The following SORCS2 variants were observed in gnomAD, a reference collection of about 807,000 sequenced individuals.
SORCS2 encodes the protein sortilin related VPS10 domain containing receptor 2, also known as VPS10 domain-containing receptor SorCS2.
Under a neutral mutation model 141.6 loss-of-function variants are expected in SORCS2, and 100 were observed. That is an observed-to-expected ratio of 0.71 (90% CI 0.60 to 0.83). SORCS2 has a LOEUF of 0.83. Ranked by LOEUF, SORCS2 falls within the 40% of genes least tolerant of loss-of-function variation. The pLI, the probability that SORCS2 is intolerant of heterozygous loss-of-function variation, is 0.00. For missense variants in SORCS2, 1,646 were observed against 1,560.2 expected (o/e 1.05, Z -0.93); for synonymous variants, 789 against 676.9 (o/e 1.17, Z -2.57).
At chr4:7,509,482 C>T (rs553389220) in intron 2 of SORCS2, among the ~76,000 whole-genome samples, 6 of 152,262 alleles carry the variant, frequency 3.9e-5, no homozygotes, top group Admixed American at 1.3e-4. Context: ...AGCCAGGACG[C>T]ATGTGTTGCC....
chr4:7,286,257 G>A lies in SORCS2; in HGVS notation c.480+93131G>A, dbSNP rs1414811193. Among the ~76,000 whole-genome samples the A allele has an allele frequency of 2.0e-5, 3 of 152,188 alleles. No homozygotes were observed. The highest frequency in any genetic ancestry group is 6.5e-5 in the Admixed American group (1 of 15,280). Reference sequence around the variant, plus strand: ...GTGGGCACAGCCTCATGGTGTCTCCGTAGAAAGAAGATAGAGGATGTGGGA... The same window carrying A: ...GTGGGCACAGCCTCATGGTGTCTCCATAGAAAGAAGATAGAGGATGTGGGA... On this transcript the variant is annotated intron_variant, in intron 1 of 26. Transcript: ENST00000507866. The surrounding 1 kb of genome is among the most constrained non-coding windows in gnomAD (Gnocchi z 4.1).
chr4:7,369,080 G>A (rs181203852), intron 1 of SORCS2, among the ~76,000 whole-genome samples: 84 of 152,286 alleles, frequency 5.5e-4, no homozygotes, highest in African/African-American at 1.0e-3. Flanking sequence ...GTCAAGGCGG[G>A]TGGATCACTT....
At chr4:7,650,756 CCCAGCCCA>C (rs1721393162) in intron 4 of SORCS2, among the ~76,000 whole-genome samples, 1 of 146,296 alleles carries the variant, frequency 6.8e-6, no homozygotes, top group African/African-American at 2.6e-5. Flanking sequence ...CCCAGCCCAG[CCCAGCCCA>C]GCCCAGCCCA....
intron 2 of SORCS2, among the ~76,000 whole-genome samples, chr4:7,444,763 A>G (rs2109269236): frequency 6.6e-6 from 1 of 152,326 alleles, no homozygotes; most frequent in Middle Eastern, 3.4e-3. Context: ...GGTGGTCTAG[A>G]GGAGAAGCCA....
intron 3 of SORCS2, among the ~76,000 whole-genome samples, chr4:7,591,698 A>G (rs188968194): frequency 2.5e-3 from 377 of 152,232 alleles, no homozygotes; most frequent in Admixed American, 6.3e-3. Flanking sequence ...GAAAACCCCA[A>G]TCCTTCCCCA....
chr4:7,325,919 C>T (rs928306016), intron 1 of SORCS2, among the ~76,000 whole-genome samples: 15 of 146,050 alleles, frequency 1.0e-4, no homozygotes, highest in Non-Finnish European at 1.7e-4. Flanking sequence ...GGGGTTGGTA[C>T]GCGGTACAGG....
At chr4:7,719,716 C>T (rs115618323) in intron 18 of SORCS2, among the ~76,000 whole-genome samples, 5 of 152,136 alleles carry the variant, frequency 3.3e-5, no homozygotes, top group Non-Finnish European at 7.4e-5. Flanking sequence ...GCTGCCCGTC[C>T]GGGGCCGACT....
chr4:7,712,913 C>T, intron 15 of SORCS2, 60 bp downstream of exon 15: 1 of 1,590,856 alleles, frequency 6.3e-7, no homozygotes. Flanking sequence ...CACAGGCCCA[C>T]TCTGCCTGCC....
chr4:7,540,742 A>G (rs922891975), intron 3 of SORCS2, among the ~76,000 whole-genome samples: 1 of 152,186 alleles, frequency 6.6e-6, no homozygotes, highest in Non-Finnish European at 1.5e-5. Context: ...ACGGAGACTC[A>G]ACCCCAGGTT....
intron 1 of SORCS2, among the ~76,000 whole-genome samples, chr4:7,275,811 T>C (rs1715463061): frequency 2.0e-5 from 3 of 152,212 alleles, no homozygotes; most frequent in African/African-American, 7.2e-5. Flanking sequence ...GTGATGCTAC[T>C]GCACTTCTAT....
At chr4:7,544,027 TCCAGCCACCCAC>T (rs1713044823) in intron 3 of SORCS2, among the ~76,000 whole-genome samples, 2 of 137,040 alleles carry the variant, frequency 1.5e-5, no homozygotes, top group Admixed American at 1.4e-4. Flanking sequence ...CATCCATCCA[TCCAGCCACCCAC>T]CCATCCATCC....
At position 7,695,320 on chromosome 4, in the gene SORCS2, G is replaced by GTGGA. The variant is rs1553905440; in HGVS notation, c.1592-1852_1592-1849dup. On this transcript the variant is annotated intron_variant, in intron 11 of 26. Transcript: ENST00000507866. ...GATGGGTGAGTGAATGGGTGGGTGGGTGGATGGATGGATGGATGGATGGAT... is the reference window on the plus strand; with the variant it reads ...GATGGGTGAGTGAATGGGTGGGTGGGTGGATGGATGGATGGATGGATGGATGGAT... 4.8e-5 allele frequency among the ~76,000 whole-genome samples: 2 copies of GTGGA among 41,258 alleles called. 1 individual carries two copies. Among genetic ancestry groups the GTGGA allele is most frequent in the African/African-American group, 2.3e-4 (2 of 8,808 alleles). 27.1% of individuals were successfully genotyped at this position (41,258 alleles called of 152,430 possible). A position where few individuals can be genotyped will look rare whatever the true frequency, so the allele number is the denominator to read the frequency against.
intron 3 of SORCS2, among the ~76,000 whole-genome samples, chr4:7,566,209 GTGA>G (rs1198640364): frequency 6.6e-6 from 1 of 151,494 alleles, no homozygotes; most frequent in African/African-American, 2.4e-5. Flanking sequence ...GGTGATGGTG[GTGA>G]TGATGACAGA....
chr4:7,410,580 G>T (rs924759401), intron 2 of SORCS2, among the ~76,000 whole-genome samples: 1 of 152,168 alleles, frequency 6.6e-6, no homozygotes, highest in African/African-American at 2.4e-5. Context: ...GATGTCAGAG[G>T]TCTGTTTCCT....
chr4:7,697,339 TC>T, intron 12 of SORCS2, 65 bp downstream of exon 12: 1 of 1,346,150 alleles, frequency 7.4e-7, no homozygotes. Flanking sequence ...AGGAGACACT[TC>T]TGTTCTGTCA....
intron 17 of SORCS2, among the ~76,000 whole-genome samples, chr4:7,716,577 T>C (rs1349784184): frequency 6.6e-6 from 1 of 151,830 alleles, no homozygotes; most frequent in Non-Finnish European, 1.5e-5. Context: ...CATTCACCTA[T>C]CCATCTATCT....
chr4:7,344,823 T>C (rs1720563661), intron 1 of SORCS2, among the ~76,000 whole-genome samples: 2 of 152,186 alleles, frequency 1.3e-5, no homozygotes. Context: ...ACTGACTCAC[T>C]GTTTATCCTT....
At position 7,676,236 on chromosome 4, in the gene SORCS2, C is replaced by G. The variant is rs936766390; in HGVS notation, c.1341+7C>G. On this transcript the variant is annotated splice_region_variant and intron_variant, in intron 9 of 26. Coordinates refer to ENST00000507866, the MANE Select transcript of SORCS2 (RefSeq NM_020777.3). ...GCTCATCGACATCCTGGAGGTGGGT[C>G]CAGGGTGGATGTGGGCCAGGTCTGC... 73 of 1,549,344 alleles carry G rather than the reference C, an allele frequency of 4.7e-5. No individual in the cohort carries two copies. Among genetic ancestry groups the G allele is most frequent in the Non-Finnish European group, 5.3e-5 (61 of 1,146,400 alleles).
At chr4:7,730,043 G>A (rs1015088642) in intron 23 of SORCS2, among the ~76,000 whole-genome samples, 1 of 152,220 alleles carries the variant, frequency 6.6e-6, no homozygotes, top group African/African-American at 2.4e-5. Context: ...TGGGAAATGA[G>A]GCTAAGCACT....
Sources: allele counts gnomAD v4.1 joint callset (sites outside exome capture counted in the v4.1 genomes callset), GRCh38; gene constraint gnomAD v4.1.1; non-coding constraint Gnocchi (gnomAD v3.1); transcripts MANE v1.5; gene names NCBI Gene and HGNC (gene_info 2026-07-23, HGNC 2026-07-21).